Variants in CENPI observed in about 807,000 individuals in gnomAD.
CENPI encodes centromere protein I.
In CENPI, 4 loss-of-function variants were observed where a neutral mutation model predicts 60.4. That is an observed-to-expected ratio of 0.07 (90% CI 0.03 to 0.15). CENPI has a LOEUF of 0.15. Ranked by LOEUF, CENPI falls within the 10% of genes least tolerant of loss-of-function variation. CENPI has a pLI of 1.00. For missense variants in CENPI, 444 were observed against 534.5 expected (o/e 0.83, Z 1.67); for synonymous variants, 157 against 189.4 (o/e 0.83, Z 1.40).
the CENPI span, among the ~76,000 whole-genome samples, chrX:101,181,608 C>A: frequency 8.9e-6 from 1 of 112,235 alleles, no homozygotes; most frequent in Middle Eastern, 4.7e-3. Context: ...TATAGAAATA[C>A]AACTAATTTT....
intron 12 of CENPI, among the ~76,000 whole-genome samples, chrX:101,129,617 C>T (rs1462212470): frequency 9.0e-6 from 1 of 111,721 alleles, no homozygotes; most frequent in African/African-American, 3.3e-5. Flanking sequence ...ATCACTCTTA[C>T]ATTATACCCA....
intron 8 of CENPI, 92 bp downstream of exon 8, chrX:101,120,876 C>CAT: frequency 2.0e-6 from 1 of 497,948 alleles, no homozygotes; most frequent in Non-Finnish European, 3.2e-6. Context: ...AACTCTTGAT[C>CAT]TTTTTTTTTT....
At position 101,164,140 on chromosome X, in the gene CENPI, G is replaced by T. The variant is rs2090133308; in HGVS notation, c.*1173G>T. ...TTGTCTTTAAGGATGCATACTTGGG[G>T]TTCTTTTTTTTCCCCATTTAAAAAA... On this transcript the variant is annotated 3_prime_UTR_variant, in exon 22 of 22. Transcript: ENST00000682095. 9.0e-6 allele frequency among the ~76,000 whole-genome samples: 1 copy of T among 111,149 alleles called. No individual in the cohort carries two copies. Among genetic ancestry groups the T allele is most frequent in the African/African-American group, 3.3e-5 (1 of 30,615 alleles).
chrX:101,178,247 C>T, the CENPI span, among the ~76,000 whole-genome samples: 1 of 110,648 alleles, frequency 9.0e-6, no homozygotes, highest in Non-Finnish European at 1.9e-5. Context: ...TGTCACTTCT[C>T]TAATTCCAGT....
In CENPI at chrX:101,163,637, T is replaced by C. The variant is rs972937068; in HGVS notation, c.*670T>C. 1 of 112,556 alleles carries C rather than the reference T, an allele frequency of 8.9e-6. No homozygotes were observed. Among genetic ancestry groups the C allele is most frequent in the Non-Finnish European group, 1.9e-5 (1 of 53,347 alleles). The allele number at this position is 112,556 out of a possible 1,213,427, so 9.3% of individuals were successfully genotyped here. ...TGTGTGTGTCTGTAGCTTCAGTTTTTAAGTGTAAGGACTAAATAAACTAAC... is the reference window on the plus strand; with the variant it reads ...TGTGTGTGTCTGTAGCTTCAGTTTTCAAGTGTAAGGACTAAATAAACTAAC... On this transcript the variant is annotated 3_prime_UTR_variant, in exon 22 of 22. Transcript: ENST00000682095.
intron 16 of CENPI, 52 bp downstream of exon 16, chrX:101,140,812 C>T: frequency 1.1e-6 from 1 of 889,118 alleles, no homozygotes; most frequent in Non-Finnish European, 1.6e-6. Flanking sequence ...CAAATGTTTG[C>T]ATATGTTTAA....
intron 3 of CENPI, 23 bp downstream of exon 3, chrX:101,101,319 A>C: frequency 1.0e-6 from 1 of 995,101 alleles, no homozygotes; most frequent in Non-Finnish European, 1.4e-6. Flanking sequence ...TGTTTTCCTT[A>C]TGAAACTCCT....
chrX:101,169,920 ATGTT>A (rs1056560858), downstream of CENPI, among the ~76,000 whole-genome samples: 6 of 107,804 alleles, frequency 5.6e-5, no homozygotes, highest in African/African-American at 1.3e-4. Context: ...CAGCTGTACA[ATGTT>A]TGTGTTCTAA....
At chrX:101,098,622 T>C (rs1213863605) in intron 2 of CENPI, 83 bp downstream of exon 2, 2 of 111,729 alleles carry the variant, frequency 1.8e-5, no homozygotes, top group Admixed American at 9.6e-5. Flanking sequence ...CTCTTCCCTT[T>C]TCCCTACATC....
downstream of CENPI, among the ~76,000 whole-genome samples, chrX:101,166,323 T>G (rs933533190): frequency 8.1e-5 from 9 of 111,768 alleles, no homozygotes; most frequent in Non-Finnish European, 1.3e-4. Context: ...GCCCAGCTAA[T>G]TTTTGTATTT....
At chrX:101,106,566 G>A (rs1328473936) in intron 4 of CENPI, among the ~76,000 whole-genome samples, 6 of 109,592 alleles carry the variant, frequency 5.5e-5, no homozygotes, top group Non-Finnish European at 1.1e-4. Flanking sequence ...ACAGGTGCCC[G>A]CCACCATGCC....
the CENPI span, among the ~76,000 whole-genome samples, chrX:101,174,898 A>G: frequency 9.0e-6 from 1 of 111,712 alleles, no homozygotes; most frequent in Admixed American, 9.5e-5. Context: ...ACCTGAGGTC[A>G]GGAGTTTGAG....
At chrX:101,157,698 T>C (rs1175229866) in intron 20 of CENPI, among the ~76,000 whole-genome samples, 1 of 108,608 alleles carries the variant, frequency 9.2e-6, no homozygotes, top group African/African-American at 3.3e-5. Flanking sequence ...TTCATTTTTT[T>C]AATATGGGGT....
At chrX:101,131,184 A>AT (rs200928330) in intron 13 of CENPI, among the ~76,000 whole-genome samples, 16,370 of 108,766 alleles carry the variant, frequency 0.15, 933 homozygotes, top group Middle Eastern at 0.24. Context: ...TGTTTTTTGT[A>AT]TTTTTTTGTA....
At chrX:101,141,197 C>G (rs1347924407) in intron 16 of CENPI, 1 of 112,182 alleles carries the variant, frequency 8.9e-6, no homozygotes, top group Non-Finnish European at 1.9e-5. Flanking sequence ...GTTAATTTAT[C>G]TTAACTTTGG....
intron 6 of CENPI, among the ~76,000 whole-genome samples, chrX:101,111,440 GTGGGTAAAACTGC>G (rs1377390312): frequency 1.8e-5 from 2 of 110,551 alleles, no homozygotes; most frequent in Non-Finnish European, 3.8e-5. Flanking sequence ...TAAAGCAATG[GTGGGTAAAACTGC>G]TGGCCATTTA....
the CENPI span, among the ~76,000 whole-genome samples, chrX:101,178,779 T>C: frequency 8.9e-6 from 1 of 111,952 alleles, no homozygotes; most frequent in Non-Finnish European, 1.9e-5. Flanking sequence ...CATTGGTTAA[T>C]AACTACAGTA....
chrX:101,158,284 T>C lies in CENPI; in HGVS notation c.2095-3244T>C, dbSNP rs951870240. On this transcript the variant is annotated intron_variant, in intron 20 of 21. Coordinates refer to ENST00000682095, the MANE Select transcript of CENPI (RefSeq NM_001386188.2). ...TTGGGCAGTATGGCTTTTTTTTTTTTTTTTTTTTTTGAGACAGAGTTTTGC... is the reference window on the plus strand; with the variant it reads ...TTGGGCAGTATGGCTTTTTTTTTTTCTTTTTTTTTTGAGACAGAGTTTTGC... Among the ~76,000 whole-genome samples the C allele has an allele frequency of 7.2e-4, 73 of 101,410 alleles. 2 individuals are homozygous for C. Among genetic ancestry groups the C allele is most frequent in the African/African-American group, 2.5e-3 (68 of 27,489 alleles). The allele number at this position is 101,410 out of a possible 115,157, so 88.1% of individuals were successfully genotyped here.
chrX:101,160,736 G>A (rs1330647870), intron 20 of CENPI, among the ~76,000 whole-genome samples: 1 of 111,355 alleles, frequency 9.0e-6, no homozygotes, highest in South Asian at 3.8e-4. Flanking sequence ...CAATAGCCAA[G>A]AGAGGACTTA....
Sources: allele counts gnomAD v4.1 joint callset (sites outside exome capture counted in the v4.1 genomes callset), GRCh38; gene constraint gnomAD v4.1.1; transcripts MANE v1.5; gene names NCBI Gene and HGNC (gene_info 2026-07-23, HGNC 2026-07-21).